Variants in CNGA3 observed in about 807,000 individuals in gnomAD.
CNGA3 encodes the protein cyclic nucleotide gated channel subunit alpha 3.
Under a neutral mutation model 46.6 loss-of-function variants are expected in CNGA3, and 42 were observed. The observed-to-expected ratio is 0.90, with a 90% CI of 0.70 to 1.17. The LOEUF (loss-of-function observed/expected upper bound fraction) is 1.17. Among genes scored for constraint, CNGA3 ranks in the 50% most tolerant of loss-of-function variants. The pLI is 0.00. For missense variants in CNGA3, 893 were observed against 890.7 expected (o/e 1.00, Z -0.03); for synonymous variants, 394 against 369.4 (o/e 1.07, Z -0.76).
chr2:98,392,069 G>C, intron 7 of CNGA3, 99 bp downstream of exon 7: 1 of 1,077,154 alleles, frequency 9.3e-7, no homozygotes, highest in Non-Finnish European at 1.4e-6. Context: ...CCTTGACCAT[G>C]AGAGGCCAGG....
chr2:98,385,202 A>C (rs1692624933), intron 5 of CNGA3, among the ~76,000 whole-genome samples: 1 of 152,176 alleles, frequency 6.6e-6, no homozygotes, highest in African/African-American at 2.4e-5. Flanking sequence ...AGGCAAGCTG[A>C]GTCCGGCGTA....
intron 1 of CNGA3, among the ~76,000 whole-genome samples, chr2:98,369,024 T>G (rs1692226682): frequency 6.6e-6 from 1 of 152,252 alleles, no homozygotes; most frequent in South Asian, 2.1e-4. Flanking sequence ...ACCTCTGGAA[T>G]AATGGCTGAT....
rs183838250 is a variant in CNGA3, at chr2:98,397,151, C to A, written c.1981C>A (p.Arg661Ser). 8.2e-5 allele frequency: 132 copies of A among 1,614,112 alleles called. No homozygotes were observed. The Admixed American group carries it at 1.9e-3, about 24-fold the overall frequency. Residue 661 changes from arginine to serine, a missense_variant, in exon 8 of 8, where the codon CGT becomes AGT. Arg to Ser is a moderately radical substitution (Grantham distance 110). This residue lies in a region of CNGA3 where 548 missense variants were observed against 570.8 expected (regional missense o/e 0.96). Coordinates refer to ENST00000272602, the MANE Select transcript of CNGA3 (RefSeq NM_001298.3). ...CGCCACCCAGATGAAGATGAAGCAGCGTCTCAGCCAACTGGAAAGCCAGGT... is the reference window on the plus strand; with the variant it reads ...CGCCACCCAGATGAAGATGAAGCAGAGTCTCAGCCAACTGGAAAGCCAGGT... ...YNATQMKMKQ[R>S]LSQLESQVKG...
chr2:98,376,572 A>T (rs13424165), intron 2 of CNGA3, among the ~76,000 whole-genome samples: 8,640 of 152,134 alleles, frequency 0.057, 296 homozygotes, highest in African/African-American at 0.09. Flanking sequence ...AAAGGCAGGG[A>T]GGAATCTGTA....
intron 2 of CNGA3, among the ~76,000 whole-genome samples, chr2:98,371,858 G>C (rs1287439885): frequency 1.3e-5 from 2 of 152,230 alleles, no homozygotes; most frequent in Non-Finnish European, 2.9e-5. Flanking sequence ...GGGAGAAGGA[G>C]CCCAAGAATG....
intron 1 of CNGA3, among the ~76,000 whole-genome samples, chr2:98,354,743 C>G (rs1175703161): frequency 6.6e-6 from 1 of 152,188 alleles, no homozygotes; most frequent in African/African-American, 2.4e-5. Context: ...GGTAATCAAA[C>G]CACTGTGCTG....
intron 5 of CNGA3, among the ~76,000 whole-genome samples, chr2:98,387,367 C>T (rs533358612): frequency 6.6e-6 from 1 of 152,328 alleles, no homozygotes; most frequent in South Asian, 2.1e-4. Context: ...CAGAATTTAT[C>T]TCTCAACCAT....
rs1692973161 is a variant in CNGA3, at chr2:98,398,367, C to T, written c.*1112C>T. ...GTTCCGTGATTGCAAATTATGACCT[C>T]AAATTCCATCCTTCACTTATGTAAC... On this transcript the variant is annotated 3_prime_UTR_variant, in exon 8 of 8. Coordinates refer to ENST00000272602, the MANE Select transcript of CNGA3 (RefSeq NM_001298.3). 6.6e-6 allele frequency: 1 copy of T among 152,172 alleles called. No homozygotes were observed. The highest frequency in any genetic ancestry group is 2.1e-4 in the South Asian group (1 of 4,824). 9.4% of individuals were successfully genotyped at this position (152,172 alleles called of 1,614,324 possible). A position where few individuals can be genotyped will look rare whatever the true frequency, so the allele number is the denominator to read the frequency against.
chr2:98,368,524 G>A (rs34083688), intron 1 of CNGA3, among the ~76,000 whole-genome samples: 6 of 152,118 alleles, frequency 3.9e-5, no homozygotes, highest in Non-Finnish European at 7.4e-5. Flanking sequence ...TCAATCACAG[G>A]GGCACCTTCC....
Position 98,367,219 on chromosome 2 carries a change from C to T in CNGA3, c.-37-2720C>T, listed in dbSNP as rs1206319362. Among the ~76,000 whole-genome samples the T allele has an allele frequency of 9.2e-5, 12 of 131,098 alleles. No homozygotes were observed. In the Admixed American group the frequency reaches 1.0e-3, roughly 11 times the overall value. 86.0% of individuals were successfully genotyped at this position (131,098 alleles called of 152,430 possible). A position where few individuals can be genotyped will look rare whatever the true frequency, so the allele number is the denominator to read the frequency against. ...TTTTTTTTATTGAGACAGAGTCTCA[C>T]TGTGTCCCCCAGGCTGGAGGGCAGG... On this transcript the variant is annotated intron_variant, in intron 1 of 7. Transcript: ENST00000272602.
intron 1 of CNGA3, among the ~76,000 whole-genome samples, chr2:98,366,584 G>A (rs10198581): frequency 0.44 from 66,679 of 152,046 alleles, 14,723 homozygotes; most frequent in Admixed American, 0.5. Flanking sequence ...CCCTGGCTGG[G>A]GTTGCTGAAA....
intron 1 of CNGA3, among the ~76,000 whole-genome samples, chr2:98,363,240 G>T (rs538775230): frequency 7.2e-5 from 11 of 152,258 alleles, no homozygotes; most frequent in African/African-American, 2.6e-4. Flanking sequence ...AATTACTTCG[G>T]GAAGTATGGC....
At position 98,390,080 on chromosome 2, in the gene CNGA3, A is replaced by G. The variant is rs74930950; in HGVS notation, c.566+306A>G. ...GCGGTTGCTTCTCTTTGGAGGGATA[A>G]GTGGGTGGTTCTGAACATGCAGCAG... On this transcript the variant is annotated intron_variant, in intron 6 of 7. Transcript: ENST00000272602. Among the ~76,000 whole-genome samples, 754 of 151,406 alleles carry G rather than the reference A, an allele frequency of 5.0e-3. 3 individuals are homozygous for G. Among genetic ancestry groups the G allele is most frequent in the East Asian group, 0.012 (63 of 5,138 alleles).
chr2:98,388,205 C>A (rs1422967195), intron 5 of CNGA3, among the ~76,000 whole-genome samples: 3 of 152,208 alleles, frequency 2.0e-5, no homozygotes, highest in Non-Finnish European at 4.4e-5. Context: ...AGCAGCCTGC[C>A]CCTTCCATTT....
At chr2:98,379,179 G>A (rs1166218493) in intron 3 of CNGA3, among the ~76,000 whole-genome samples, 5 of 152,210 alleles carry the variant, frequency 3.3e-5, no homozygotes, top group South Asian at 2.1e-4. Context: ...ATATGTCTGC[G>A]GCAGCAGCTG....
rs978294893 is a variant in CNGA3, at chr2:98,397,213, A to C, written c.2043A>C (p.Glu681Asp). ...GGGDKPLADG[E>D]VPGDATKTED... Reference sequence around the variant, plus strand: ...GGGACAAGCCCCTGGCTGATGGGGAAGTTCCCGGGGATGCTACAAAAACAG... The same window carrying C: ...GGGACAAGCCCCTGGCTGATGGGGACGTTCCCGGGGATGCTACAAAAACAG... Residue 681 changes from glutamate to aspartate, a missense_variant, in exon 8 of 8, where the codon GAA (glutamate) becomes GAC (aspartate). Glu to Asp is a conservative substitution (Grantham distance 45, BLOSUM62 2). Around this residue, in one of 3 missense-constraint regions of CNGA3, gnomAD observed 548 missense variants for 570.8 expected, o/e 0.96. Coordinates refer to ENST00000272602, the MANE Select transcript of CNGA3 (RefSeq NM_001298.3). 1 of 1,614,050 alleles carries C rather than the reference A, an allele frequency of 6.2e-7. No individual in the cohort carries two copies. The highest frequency in any genetic ancestry group is 8.5e-7 in the Non-Finnish European group (1 of 1,180,010).
chr2:98,376,762 A>T (rs550109329), intron 2 of CNGA3, among the ~76,000 whole-genome samples: 1 of 152,350 alleles, frequency 6.6e-6, no homozygotes, highest in South Asian at 2.1e-4. Context: ...GGGCTCCTCA[A>T]GACTCATAGA....
chr2:98,389,852 C>T (rs1020360539), intron 6 of CNGA3, 78 bp downstream of exon 6: 1 of 1,189,128 alleles, frequency 8.4e-7, no homozygotes. Flanking sequence ...CTCCACCTCT[C>T]CCTCGGGAGG....
intron 1 of CNGA3, among the ~76,000 whole-genome samples, chr2:98,354,615 T>C (rs991665794): frequency 1.3e-5 from 2 of 152,086 alleles, no homozygotes; most frequent in African/African-American, 4.8e-5. Context: ...AGAGACACCA[T>C]CTCTACAAAA....
Sources: allele counts gnomAD v4.1 joint callset (sites outside exome capture counted in the v4.1 genomes callset), GRCh38; gene constraint gnomAD v4.1.1; regional missense constraint gnomAD v4.1.1; transcripts MANE v1.5; gene names NCBI Gene and HGNC (gene_info 2026-07-23, HGNC 2026-07-21).